The following KIF4A variants were observed in gnomAD, a reference collection of about 807,000 sequenced individuals.
KIF4A encodes kinesin family member 4A.
KIF4A carries 7 observed loss-of-function variants against 105.9 expected under a neutral mutation model. The observed-to-expected ratio is 0.07, with a 90% confidence interval of 0.04 to 0.12. KIF4A has a LOEUF of 0.12. Among genes scored for constraint, KIF4A ranks in the 10% least tolerant of loss-of-function variants. The pLI, the probability that KIF4A is intolerant of heterozygous loss-of-function variation, is 1.00. For missense variants in KIF4A, 558 were observed against 929.2 expected, an observed-to-expected ratio of 0.60 and a Z score of 5.19; for synonymous variants, 281 against 331.3, an observed-to-expected ratio of 0.85 and a Z score of 1.65.
At chrX:70,307,061 A>G (rs2085830347) in intron 7 of KIF4A, among the ~76,000 whole-genome samples, 1 of 109,773 alleles carries the variant, frequency 9.1e-6, no homozygotes, top group Admixed American at 9.8e-5. Flanking sequence ...CCTGGCCTCA[A>G]GTGATCTTCC....
chrX:70,411,666 C>T (rs1024339847), intron 28 of KIF4A, among the ~76,000 whole-genome samples: 1 of 110,835 alleles, frequency 9.0e-6, no homozygotes, highest in Non-Finnish European at 1.9e-5. Flanking sequence ...AGGACATGGA[C>T]TTTTTGAAAA....
intron 10 of KIF4A, among the ~76,000 whole-genome samples, chrX:70,334,412 T>C (rs1340168255): frequency 8.9e-6 from 1 of 112,174 alleles, no homozygotes; most frequent in Non-Finnish European, 1.9e-5. Context: ...ACCATTCCAA[T>C]GTGACAGGGT....
At chrX:70,399,718 G>A (rs1323560272) in intron 22 of KIF4A, among the ~76,000 whole-genome samples, 2 of 95,709 alleles carry the variant, frequency 2.1e-5, no homozygotes, top group Non-Finnish European at 4.1e-5. Flanking sequence ...ACCAAACACC[G>A]CATGTTCTCA....
chrX:70,327,246 G>A (rs966405521), intron 7 of KIF4A, among the ~76,000 whole-genome samples: 2 of 111,343 alleles, frequency 1.8e-5, no homozygotes, highest in South Asian at 7.6e-4. Flanking sequence ...GGTAATAAGA[G>A]GAAAACAAAG....
At chrX:70,393,869 CT>C (rs1178450883) in intron 20 of KIF4A, among the ~76,000 whole-genome samples, 2 of 1,026 alleles carry the variant, frequency 1.9e-3, no homozygotes, top group African/African-American at 2.4e-3. Flanking sequence ...TTCTTTCTTT[CT>C]TTTTTTTTTT....
intron 18 of KIF4A, among the ~76,000 whole-genome samples, chrX:70,380,528 C>T (rs943364656): frequency 8.9e-6 from 1 of 111,770 alleles, no homozygotes; most frequent in African/African-American, 3.2e-5. Context: ...AGAACTTCCT[C>T]AGCGTAATAA....
intron 18 of KIF4A, among the ~76,000 whole-genome samples, chrX:70,385,816 C>T (rs1238272182): frequency 1.8e-5 from 2 of 111,991 alleles, no homozygotes; most frequent in Non-Finnish European, 3.8e-5. Flanking sequence ...TCTTGGTATT[C>T]TTTATCTTTA....
chrX:70,389,239 C>T (rs1310440209), intron 20 of KIF4A, among the ~76,000 whole-genome samples: 1 of 109,730 alleles, frequency 9.1e-6, no homozygotes, highest in Non-Finnish European at 1.9e-5. Context: ...CTGGGTGACA[C>T]AGCAAGATCC....
At chrX:70,342,240 T>C (rs1393159158) in intron 11 of KIF4A, among the ~76,000 whole-genome samples, 1 of 112,176 alleles carries the variant, frequency 8.9e-6, no homozygotes, top group Non-Finnish European at 1.9e-5. Context: ...TCACCTTAAA[T>C]CCTGCCTAAT....
Position 70,406,949 on chromosome X carries a change from T to A in KIF4A, c.3129T>A (p.Asp1043Glu). The A allele has an allele frequency of 8.3e-7, 1 of 1,211,635 alleles. No homozygotes were observed. The highest frequency in any genetic ancestry group is 1.7e-5 in the African/African-American group (1 of 57,747). ...KFLEQSMDIE[D>E]LKYCSEHSVN... ...TGGAGCAAAGCATGGACATCGAGGATCTAAAATATTGTTCAGAGCATTCTG... is the reference window on the plus strand; with the variant it reads ...TGGAGCAAAGCATGGACATCGAGGAACTAAAATATTGTTCAGAGCATTCTG... Residue 1043 changes from aspartate to glutamate, a missense_variant, in exon 28 of 31, where the codon GAT (aspartate) becomes GAA (glutamate). By Grantham distance (45) the Asp-to-Glu change is conservative. Transcript: ENST00000374403.
At chrX:70,296,337 G>A (rs770386741) in intron 3 of KIF4A, among the ~76,000 whole-genome samples, 2 of 110,955 alleles carry the variant, frequency 1.8e-5, no homozygotes, top group Non-Finnish European at 1.9e-5. Context: ...TGCCTGCCTC[G>A]GCTTCCCAAA....
chrX:70,399,967 C>T (rs2086274486), intron 22 of KIF4A, among the ~76,000 whole-genome samples: 1 of 104,267 alleles, frequency 9.6e-6, no homozygotes, highest in Non-Finnish European at 1.9e-5. Flanking sequence ...ATAAAAACAA[C>T]AACAACAACA....
At chrX:70,322,705 G>C (rs1212474) in intron 7 of KIF4A, among the ~76,000 whole-genome samples, 1 of 101,126 alleles carries the variant, frequency 9.9e-6, no homozygotes, top group Non-Finnish European at 2.0e-5. Flanking sequence ...ATTGTTCTAT[G>C]CTCTTTTTTT....
intron 15 of KIF4A, among the ~76,000 whole-genome samples, chrX:70,364,580 G>A (rs953509532): frequency 9.2e-6 from 1 of 108,281 alleles, no homozygotes; most frequent in Non-Finnish European, 1.9e-5. Context: ...TGAGGGCTCT[G>A]TTCTGTTCCA....
In KIF4A at chrX:70,387,165, A is replaced by G. The variant is rs902756970; in HGVS notation, c.2119-19A>G. On this transcript the variant is annotated intron_variant, in intron 19 of 30. Transcript: ENST00000374403. ...TTTTTACCATTCATTCAACATTACTATGTGCCAATTTTATTTAGGCAGCAG... is the reference window on the plus strand; with the variant it reads ...TTTTTACCATTCATTCAACATTACTGTGTGCCAATTTTATTTAGGCAGCAG... 2 of 1,042,289 alleles carry G rather than the reference A, an allele frequency of 1.9e-6. No homozygotes were observed. Among genetic ancestry groups the G allele is most frequent in the African/African-American group, 3.8e-5 (2 of 52,446 alleles). The allele number at this position is 1,042,289 out of a possible 1,213,427, so 85.9% of individuals were successfully genotyped here.
At chrX:70,404,658 A>T in intron 24 of KIF4A, 57 bp from the exon 25 acceptor site, 1 of 865,931 alleles carries the variant, frequency 1.2e-6, no homozygotes, top group South Asian at 2.4e-5. Context: ...CTAAGTCAAA[A>T]TTTCTTTTTC....
chrX:70,375,300 A>G lies in KIF4A; in HGVS notation c.1875A>G (p.Leu625=). 1 of 1,211,369 alleles carries G rather than the reference A, an allele frequency of 8.3e-7. No individual in the cohort carries two copies. Among genetic ancestry groups the G allele is most frequent in the Non-Finnish European group, 1.1e-6 (1 of 895,037 alleles). ...ATGAGCAGTCCAAACTTCTGAAACT[A>G]AAGGAATCCACAGAGCGTACTGTCT... The part of the protein sequence containing the change: ...KLNEQSKLLK[L]KESTERTVSK... Residue 625 remains leucine (L), a synonymous_variant, in exon 17 of 31, where the codon CTA becomes CTG. Coordinates refer to ENST00000374403, the MANE Select transcript of KIF4A (RefSeq NM_012310.5).
chrX:70,391,604 C>CT (rs1394010666), intron 20 of KIF4A, among the ~76,000 whole-genome samples: 1 of 107,905 alleles, frequency 9.3e-6, no homozygotes, highest in Non-Finnish European at 1.9e-5. Flanking sequence ...CCTTGCATTT[C>CT]TTTTTTTTTT....
chrX:70,413,489 C>G (rs2086330523), intron 28 of KIF4A, among the ~76,000 whole-genome samples: 1 of 110,254 alleles, frequency 9.1e-6, no homozygotes, highest in African/African-American at 3.3e-5. Flanking sequence ...TAAAAATTAG[C>G]CGGGCGTGAT....
Sources: gnomAD v4.1 joint callset for allele counts (sites outside exome capture counted in the v4.1 genomes callset) on GRCh38, gnomAD v4.1.1 for gene constraint, MANE v1.5 for transcripts, NCBI Gene and HGNC (gene_info 2026-07-23, HGNC 2026-07-21) for gene names.